Variants in TNRC6B observed in about 807,000 individuals in gnomAD.
TNRC6B encodes trinucleotide repeat containing adaptor 6B, also known as trinucleotide repeat-containing gene 6B protein.
Under a neutral mutation model 203.6 loss-of-function variants are expected in TNRC6B, and 52 were observed. The observed-to-expected ratio is 0.26, with a 90% CI of 0.20 to 0.32. The LOEUF (loss-of-function observed/expected upper bound fraction) is 0.32, where lower values mean the gene tolerates loss of function less well. TNRC6B is among the 10% of genes least tolerant of loss of function. TNRC6B has a pLI of 1.00. For synonymous variants in TNRC6B, 838 were observed against 845.7 expected (o/e 0.99, Z 0.16); for missense variants, 1,923 against 2,286.2 (o/e 0.84, Z 3.24).
chr22:40,102,861 G>A (rs113698070), intron 1 of TNRC6B, among the ~76,000 whole-genome samples: 8,667 of 151,960 alleles, frequency 0.057, 787 homozygotes, highest in African/African-American at 0.19. Flanking sequence ...GGTGGATCAC[G>A]AGGTCAGGAG....
intron 2 of TNRC6B, among the ~76,000 whole-genome samples, chr22:40,123,882 A>G (rs1413956445): frequency 1.3e-5 from 2 of 148,584 alleles, no homozygotes; most frequent in Non-Finnish European, 1.5e-5. Flanking sequence ...CCTAATTTTT[A>G]TAGAAAGAGA....
Position 40,332,711 on chromosome 22 carries a change from C to G in TNRC6B, c.*9470C>G, listed in dbSNP as rs1328899893. 6.6e-6 allele frequency: 1 copy of G among 152,566 alleles called. No homozygotes were observed. The highest frequency in any genetic ancestry group is 1.5e-5 in the Non-Finnish European group (1 of 68,018). The allele number at this position is 152,566 out of a possible 1,614,324, so 9.5% of individuals were successfully genotyped here. A position where few individuals can be genotyped will look rare whatever the true frequency, so the allele number is the denominator to read the frequency against. Reference sequence around the variant, plus strand: ...TAAAATCCTGACGTTTCAACTGTCTCACACAAAATAATACCTCGAGGTACA... The same window carrying G: ...TAAAATCCTGACGTTTCAACTGTCTGACACAAAATAATACCTCGAGGTACA... On this transcript the variant is annotated 3_prime_UTR_variant, in exon 23 of 23. Transcript: ENST00000454349.
At chr22:40,283,120 C>T (rs2146525231) in intron 11 of TNRC6B, among the ~76,000 whole-genome samples, 1 of 152,254 alleles carries the variant, frequency 6.6e-6, no homozygotes. Context: ...ACTGCAAGCT[C>T]AGCCTCCCAG....
At chr22:40,198,409 A>G (rs1174409920) in intron 1 of TNRC6B, among the ~76,000 whole-genome samples, 1 of 151,996 alleles carries the variant, frequency 6.6e-6, no homozygotes, top group African/African-American at 2.4e-5. Context: ...CTTCCTGAAC[A>G]GTTCAGTCCT....
chr22:40,166,466 T>C (rs2068920703), intron 4 of TNRC6B, among the ~76,000 whole-genome samples: 1 of 151,692 alleles, frequency 6.6e-6, no homozygotes, highest in Non-Finnish European at 1.5e-5. Flanking sequence ...TCTTTGATCA[T>C]CCCTCCCTAT....
chr22:40,318,942 G>T (rs1569068733), intron 21 of TNRC6B, among the ~76,000 whole-genome samples: 1 of 152,036 alleles, frequency 6.6e-6, no homozygotes, highest in African/African-American at 2.4e-5. Context: ...ATGGTGGTGG[G>T]TGTCTGTAGT....
chr22:40,228,779 C>T (rs2069827342), intron 1 of TNRC6B, among the ~76,000 whole-genome samples: 1 of 152,006 alleles, frequency 6.6e-6, no homozygotes, highest in Non-Finnish European at 1.5e-5. Flanking sequence ...CCACCTCGGC[C>T]TCCCAAAGTG....
chr22:40,202,005 G>T (rs1216275753), intron 1 of TNRC6B, among the ~76,000 whole-genome samples: 1 of 152,106 alleles, frequency 6.6e-6, no homozygotes, highest in East Asian at 1.9e-4. Flanking sequence ...GGCGAGCTTT[G>T]CTCAGGTTTG....
In TNRC6B at chr22:40,266,126, A is replaced by G. The variant is rs1229971599; in HGVS notation, c.1896A>G (p.Thr632=). Residue 632 remains threonine (T), a synonymous_variant, in exon 5 of 23, where the codon ACA becomes ACG. Coordinates refer to ENST00000454349, the MANE Select transcript of TNRC6B (RefSeq NM_001162501.2). The stretch of plus-strand genomic sequence containing the variant: ...GCCAAACTCAAATTAAGCAGGACAC[A>G]GTGTGGGACATTGAAGAGGTGCCAA... The part of the protein sequence containing the change: ...GWGQTQIKQD[T]VWDIEEVPRP... 6.2e-7 allele frequency: 1 copy of G among 1,613,934 alleles called. No homozygotes were observed. Among genetic ancestry groups the G allele is most frequent in the South Asian group, 1.1e-5 (1 of 91,082 alleles).
At chr22:40,211,139 A>T (rs2069556644) in intron 1 of TNRC6B, among the ~76,000 whole-genome samples, 1 of 151,680 alleles carries the variant, frequency 6.6e-6, no homozygotes, top group Non-Finnish European at 1.5e-5. Context: ...TTGAGACAGG[A>T]TCTTGCTTTG....
intron 4 of TNRC6B, among the ~76,000 whole-genome samples, chr22:40,262,854 A>G (rs1449140347): frequency 2.6e-5 from 4 of 152,118 alleles, no homozygotes; most frequent in African/African-American, 7.2e-5. Context: ...CCTGGCTAAC[A>G]TGGTGAAACC....
chr22:40,057,275 C>T (rs897383505), intron 1 of TNRC6B, among the ~76,000 whole-genome samples: 4 of 146,846 alleles, frequency 2.7e-5, no homozygotes, highest in South Asian at 2.1e-4. Flanking sequence ...TAAATGTGTA[C>T]ATTGAAAATA....
rs1367161510 is a variant in TNRC6B, at chr22:40,264,792, G to A, written c.562G>A (p.Asp188Asn). 6.2e-7 allele frequency: 1 copy of A among 1,613,964 alleles called. No individual in the cohort carries two copies. Among genetic ancestry groups the A allele is most frequent in the Admixed American group, 1.7e-5 (1 of 60,012 alleles). Reference protein sequence around the residue: ...GTSPNPIHIWDKVIVDGSDME... With the variant: ...GTSPNPIHIWNKVIVDGSDME... ...CTCCCCCAACCCAATTCACATCTGG[G>A]ACAAGGTGATTGTAGACGGGTCTGA... The change falls in exon 5 of 23, where the codon GAC becomes AAC. Residue 188 changes from aspartate (D) to asparagine (N), a missense_variant. This residue lies in a region of TNRC6B where 614 missense variants were observed against 587.7 expected (regional missense o/e 1.04). Coordinates refer to ENST00000454349, the MANE Select transcript of TNRC6B (RefSeq NM_001162501.2).
chr22:40,213,202 C>T (rs1362984402), intron 1 of TNRC6B, among the ~76,000 whole-genome samples: 1 of 152,134 alleles, frequency 6.6e-6, no homozygotes, highest in Non-Finnish European at 1.5e-5. Flanking sequence ...TGCCACTGAA[C>T]TGTACAGTTA....
chr22:40,227,358 C>CTTTTT (rs71199278), intron 1 of TNRC6B, among the ~76,000 whole-genome samples: 16 of 70,996 alleles, frequency 2.3e-4, no homozygotes, highest in Admixed American at 4.2e-4. Flanking sequence ...CTGAAATTAC[C>CTTTTT]TTTTTTTTTT....
At chr22:40,156,490 TA>T (rs575664477) in intron 4 of TNRC6B, among the ~76,000 whole-genome samples, 224 of 152,318 alleles carry the variant, frequency 1.5e-3, no homozygotes, top group Admixed American at 2.9e-3. Flanking sequence ...AAAGAAAGTA[TA>T]AAATGGTACA....
At chr22:40,314,327 CTTTAGTGA>C (rs1024698322) in intron 19 of TNRC6B, among the ~76,000 whole-genome samples, 10 of 152,300 alleles carry the variant, frequency 6.6e-5, no homozygotes, top group African/African-American at 2.4e-4. Flanking sequence ...TATGATTTCT[CTTTAGTGA>C]TTTATTCTGC....
chr22:40,139,127 C>G (rs1329462655), intron 3 of TNRC6B, among the ~76,000 whole-genome samples: 1 of 152,104 alleles, frequency 6.6e-6, no homozygotes. Context: ...CACAGGCAAC[C>G]ACTAATCTTT....
At chr22:40,085,848 CTGTTGTTGT>C (rs3044441) in intron 1 of TNRC6B, among the ~76,000 whole-genome samples, 153 of 149,278 alleles carry the variant, frequency 1.0e-3, no homozygotes, top group South Asian at 4.3e-3. Context: ...TTTGTTGTTG[CTGTTGTTGT>C]TGTTGTTGTT....
Sources: allele counts gnomAD v4.1 joint callset (sites outside exome capture counted in the v4.1 genomes callset), GRCh38; gene constraint gnomAD v4.1.1; regional missense constraint gnomAD v4.1.1; transcripts MANE v1.5; gene names NCBI Gene and HGNC (gene_info 2026-07-23, HGNC 2026-07-21).